UBE2U: variants seen among roughly 807,000 people sequenced by gnomAD.
UBE2U encodes ubiquitin conjugating enzyme E2 U.
In UBE2U, 39 loss-of-function variants were observed where a neutral mutation model predicts 41.2. That is an observed-to-expected ratio of 0.95 (90% CI 0.73 to 1.24). The LOEUF is 1.24. Among genes scored for constraint, UBE2U ranks in the 50% most tolerant of loss-of-function variants. The pLI is 0.00. For synonymous variants in UBE2U, 107 were observed against 117.8 expected (o/e 0.91, Z 0.60); for missense variants, 336 against 363.1 (o/e 0.93, Z 0.61).
intron 8 of UBE2U, among the ~76,000 whole-genome samples, chr1:64,245,785 C>T (rs942262645): frequency 4.6e-5 from 7 of 152,050 alleles, no homozygotes; most frequent in African/African-American, 1.7e-4. Flanking sequence ...TTCCTAACCT[C>T]CTTTTCAATG....
At chr1:64,247,859 T>C (rs1644945906) in intron 8 of UBE2U, among the ~76,000 whole-genome samples, 1 of 87,042 alleles carries the variant, frequency 1.1e-5, no homozygotes, top group Non-Finnish European at 2.2e-5. Context: ...GCAAGACCTG[T>C]CTCACAAAAA....
At chr1:64,244,157 TA>T in intron 8 of UBE2U, 8 of 1,609,036 alleles carry the variant, frequency 5.0e-6, no homozygotes, top group Non-Finnish European at 6.8e-6. Context: ...GGAAGCAGCA[TA>T]GGGGAAGAGC....
At position 64,267,085 on chromosome 1, in the gene UBE2U, AGAG is replaced by A. The variant is rs1645265612; in HGVS notation, c.836_838del (p.Glu279del). The A allele has an allele frequency of 1.9e-6, 3 of 1,550,518 alleles. No homozygotes were observed. The highest frequency in any genetic ancestry group is 2.6e-6 in the Non-Finnish European group (3 of 1,146,976). On this transcript the variant is annotated inframe_deletion, in exon 10 of 10. Transcript: ENST00000371077. ...GCATCACAGACATTTATGAAACAGAAGAGGAGGGGTGGAAGAGTGACACTTCAT... is the reference window on the plus strand; with the variant it reads ...GCATCACAGACATTTATGAAACAGAAGAGGGGTGGAAGAGTGACACTTCAT...
At chr1:64,216,461 T>A (rs1652021808) in intron 5 of UBE2U, among the ~76,000 whole-genome samples, 1 of 152,196 alleles carries the variant, frequency 6.6e-6, no homozygotes, top group South Asian at 2.1e-4. Context: ...TCGAAGGGAT[T>A]TCCTATGGAA....
At chr1:64,213,926 C>A (rs903419724) in intron 4 of UBE2U, among the ~76,000 whole-genome samples, 2 of 152,022 alleles carry the variant, frequency 1.3e-5, no homozygotes, top group Non-Finnish European at 2.9e-5. Context: ...CATTGTAACA[C>A]AATGGTAAAT....
intron 5 of UBE2U, 88 bp downstream of exon 5, chr1:64,215,020 G>T: frequency 9.9e-7 from 1 of 1,005,460 alleles, no homozygotes; most frequent in Non-Finnish European, 1.5e-6. Context: ...ATCATCTGAG[G>T]TCCGGAGTTC....
intron 1 of UBE2U, 140 bp from the exon 2 acceptor site, chr1:64,205,499 C>T: frequency 3.0e-6 from 2 of 665,976 alleles, no homozygotes; most frequent in South Asian, 4.1e-5. Context: ...AACACTTCCC[C>T]AGAGCAGCAA....
At chr1:64,245,467 T>C (rs1227472138) in intron 8 of UBE2U, among the ~76,000 whole-genome samples, 1 of 152,206 alleles carries the variant, frequency 6.6e-6, no homozygotes, top group East Asian at 1.9e-4. Context: ...AGCTAGCAAG[T>C]TGTCTAAATA....
chr1:64,265,076 GAGA>G (rs1431309910), intron 9 of UBE2U, among the ~76,000 whole-genome samples: 2 of 152,172 alleles, frequency 1.3e-5, no homozygotes, highest in African/African-American at 4.8e-5. Flanking sequence ...AGATCTTGGT[GAGA>G]AGATCGCTTT....
intron 3 of UBE2U, among the ~76,000 whole-genome samples, chr1:64,209,569 T>G (rs143148676): frequency 6.6e-6 from 1 of 152,214 alleles, no homozygotes; most frequent in East Asian, 1.9e-4. Flanking sequence ...TTCAGTCTTA[T>G]GTGCAATGAA....
chr1:64,224,892 A>C (rs1323929999), intron 6 of UBE2U, among the ~76,000 whole-genome samples: 1 of 151,954 alleles, frequency 6.6e-6, no homozygotes, highest in Non-Finnish European at 1.5e-5. Flanking sequence ...ACAATAAAAA[A>C]TAAATGAAAA....
intron 6 of UBE2U, among the ~76,000 whole-genome samples, chr1:64,230,884 A>T (rs1161578938): frequency 6.6e-6 from 1 of 152,344 alleles, no homozygotes; most frequent in East Asian, 1.9e-4. Context: ...TCATGACGTC[A>T]ATGATAATAC....
chr1:64,243,498 AT>A (rs1570102157), intron 8 of UBE2U, among the ~76,000 whole-genome samples: 1 of 152,144 alleles, frequency 6.6e-6, no homozygotes, highest in Admixed American at 6.6e-5. Context: ...CACATGAGTA[AT>A]TGGTCTATAT....
chr1:64,240,666 T>C (rs1366552842), intron 7 of UBE2U, among the ~76,000 whole-genome samples: 1 of 152,238 alleles, frequency 6.6e-6, no homozygotes, highest in Non-Finnish European at 1.5e-5. Flanking sequence ...AGTGCTGAAT[T>C]AGAATTTTGT....
At chr1:64,210,100 A>C (rs564557926) in intron 3 of UBE2U, among the ~76,000 whole-genome samples, 11 of 152,264 alleles carry the variant, frequency 7.2e-5, no homozygotes, top group Admixed American at 7.2e-4. Context: ...AAGATCTATT[A>C]ATCTTGTCCT....
chr1:64,265,650 C>T (rs1324398807), intron 9 of UBE2U, among the ~76,000 whole-genome samples: 4 of 152,176 alleles, frequency 2.6e-5, no homozygotes, highest in Admixed American at 2.6e-4. Flanking sequence ...TCAATCTCAG[C>T]TCACTGCAAC....
At chr1:64,231,285 G>A (rs1212148809) in intron 6 of UBE2U, among the ~76,000 whole-genome samples, 1 of 152,198 alleles carries the variant, frequency 6.6e-6, no homozygotes, top group Non-Finnish European at 1.5e-5. Context: ...TCACGAGACA[G>A]TGTGTTGACA....
intron 4 of UBE2U, among the ~76,000 whole-genome samples, chr1:64,211,275 G>A (rs540641018): frequency 6.6e-6 from 1 of 152,222 alleles, no homozygotes; most frequent in African/African-American, 2.4e-5. Context: ...TTCTGACAGT[G>A]CTAGTTAGCT....
chr1:64,224,935 T>TCACACA (rs34259884), intron 6 of UBE2U, among the ~76,000 whole-genome samples: 71 of 146,932 alleles, frequency 4.8e-4, no homozygotes, highest in African/African-American at 7.4e-4. Context: ...TAGGATATTA[T>TCACACA]CACACACACA....
Sources: allele counts gnomAD v4.1 joint callset (sites outside exome capture counted in the v4.1 genomes callset), GRCh38; gene constraint gnomAD v4.1.1; transcripts MANE v1.5; gene names NCBI Gene and HGNC (gene_info 2026-07-23, HGNC 2026-07-21).